SLC43A2: variants seen among roughly 807,000 people sequenced by gnomAD.
The protein encoded by SLC43A2 is large neutral amino acids transporter small subunit 4.
In SLC43A2, 38 loss-of-function variants were observed where a neutral mutation model predicts 63.2. The ratio of observed to expected loss-of-function variants is 0.60; its 90% CI spans 0.46 to 0.79. The LOEUF (loss-of-function observed/expected upper bound fraction) is 0.79, where lower values mean the gene tolerates loss of function less well. Ranked by LOEUF, SLC43A2 falls within the 30% of genes least tolerant of loss-of-function variation. The pLI, the probability that SLC43A2 is intolerant of heterozygous loss-of-function variation, is 0.00. For missense variants in SLC43A2, 644 were observed against 756.2 expected (o/e 0.85, Z 1.74); for synonymous variants, 322 against 331.0 (o/e 0.97, Z 0.30).
rs1178650400 is a variant in SLC43A2 at position 1,571,925 on chromosome 17, C to G, written c.*3679G>C. The G allele has an allele frequency of 6.6e-6, 1 of 152,428 alleles. No individual in the cohort carries two copies. The highest frequency in any genetic ancestry group is 2.4e-5 in the African/African-American group (1 of 41,394). The allele number at this position is 152,428 out of a possible 1,614,324, so 9.4% of individuals were successfully genotyped here. On this transcript the variant is annotated 3_prime_UTR_variant, in exon 14 of 14. Coordinates refer to ENST00000301335, the MANE Select transcript of SLC43A2 (RefSeq NM_152346.3). This position sits in a 1 kb window ranked among gnomAD's most constrained non-coding sequence, Gnocchi z 5.2. The stretch of plus-strand genomic sequence containing the variant: ...AGCAGACCCAGACCCAGACTCAGAC[C>G]CAAGCCCCCCTCCTCACTGATCAAA...
chr17:1,575,825 C>G, intron 13 of SLC43A2, 60 bp from the exon 14 acceptor site: 1 of 1,526,630 alleles, frequency 6.6e-7, no homozygotes, highest in Non-Finnish European at 8.8e-7. Flanking sequence ...GCTGCAGACC[C>G]GCCCTCCACT....
chr17:1,579,954 A>G (rs1279717383), intron 11 of SLC43A2, among the ~76,000 whole-genome samples: 5 of 149,494 alleles, frequency 3.3e-5, no homozygotes, highest in African/African-American at 1.2e-4. Flanking sequence ...TTTTTTGGAG[A>G]CAGAGTCTTG....
At position 1,616,754 on chromosome 17, in the gene SLC43A2, C is replaced by A. The variant is rs897173742; in HGVS notation, c.176G>T (p.Gly59Val). The change falls in exon 3 of 14, where the codon GGC (glycine) becomes GTC (valine). Residue 59 changes from glycine to valine, a missense_variant. By Grantham distance (109) the Gly-to-Val change is moderately radical (BLOSUM62 -3). This residue lies in a region of SLC43A2 where 528 missense variants were observed against 623.6 expected (regional missense o/e 0.85). Transcript: ENST00000301335. Reference sequence around the variant, plus strand: ...CGGCTCTGCTGTGCCGCCCACTGTGCCATTGGTGACATTCTCTGTGTGAAG... The same window carrying A: ...CGGCTCTGCTGTGCCGCCCACTGTGACATTGGTGACATTCTCTGTGTGAAG... ...LCTEPENVTNGTVGGTAEPGH... is the reference protein window; with the variant it reads ...LCTEPENVTNVTVGGTAEPGH... 57 of 1,613,780 alleles carry A rather than the reference C, an allele frequency of 3.5e-5. No individual in the cohort carries two copies. Among genetic ancestry groups the A allele is most frequent in the Non-Finnish European group, 4.7e-5 (56 of 1,180,050 alleles).
At position 1,578,298 on chromosome 17, in the gene SLC43A2, A is replaced by G. The variant is rs1220973799; in HGVS notation, c.1376T>C (p.Ile459Thr). The part of the protein sequence containing the change: ...LQILSFILHT[I>T]VRGFIHSAVG... ...AGCGGAGTGGATGAATCCTCGCACG[A>G]TTGTGTGCAGGATGAAGGAGAGGAT... The change falls in exon 12 of 14, where the codon ATC becomes ACC. Residue 459 changes from isoleucine (I) to threonine (T), a missense_variant. Physicochemically the swap from Ile to Thr is moderately conservative, Grantham distance 89 (BLOSUM62 -1). Around this residue, in one of 3 missense-constraint regions of SLC43A2, gnomAD observed 528 missense variants for 623.6 expected, o/e 0.85. Transcript: ENST00000301335. This position sits in a 1 kb window ranked among gnomAD's most constrained non-coding sequence, Gnocchi z 6.5. The G allele has an allele frequency of 6.2e-7, 1 of 1,613,758 alleles. No individual in the cohort carries two copies. The highest frequency in any genetic ancestry group is 1.6e-4 in the Middle Eastern group (1 of 6,082).
intron 5 of SLC43A2, among the ~76,000 whole-genome samples, chr17:1,595,355 C>T (rs981355996): frequency 6.6e-6 from 1 of 151,736 alleles, no homozygotes. Flanking sequence ...GCAATCATAG[C>T]TCACTGCAGC....
rs1351936156 is a variant in SLC43A2 at position 1,627,839 on chromosome 17, G to A, written c.36C>T (p.Arg12=). ...GCACGGCCGTGCAGGCCATCCACCAGCGGCGCCGATGGGCAGTGGCCAGGG... is the reference window on the plus strand; with the variant it reads ...GCACGGCCGTGCAGGCCATCCACCAACGGCGCCGATGGGCAGTGGCCAGGG... ...APTLATAHRR[R]WWMACTAVLE... is the part of the protein sequence containing the mutation. Residue 12 remains arginine, a synonymous_variant, in exon 2 of 14, where the codon CGC becomes CGT. Coordinates refer to ENST00000301335, the MANE Select transcript of SLC43A2 (RefSeq NM_152346.3). 1.9e-6 allele frequency: 3 copies of A among 1,588,670 alleles called. No individual in the cohort carries two copies. The African/African-American group carries it at 4.0e-5, about 21-fold the overall frequency.
In SLC43A2 at chr17:1,605,227, C is replaced by G; in HGVS notation, c.501+7968G>C. On this transcript the variant is annotated intron_variant, in intron 5 of 13. Coordinates refer to ENST00000301335, the MANE Select transcript of SLC43A2 (RefSeq NM_152346.3). The surrounding 1 kb of genome is among the most constrained non-coding windows in gnomAD (Gnocchi z 4.9). Reference sequence around the variant, plus strand: ...GCAGCCTCAGTCACACAGGGAAGCCCGTGACTCTCTCTCTTTCAGCCCCCT... The same window carrying G: ...GCAGCCTCAGTCACACAGGGAAGCCGGTGACTCTCTCTCTTTCAGCCCCCT... 1.8e-6 allele frequency: 2 copies of G among 1,099,998 alleles called. No homozygotes were observed. Among genetic ancestry groups the G allele is most frequent in the South Asian group, 2.5e-5 (1 of 40,002 alleles). 68.1% of individuals were successfully genotyped at this position (1,099,998 alleles called of 1,614,324 possible). A position where few individuals can be genotyped will look rare whatever the true frequency, so the allele number is the denominator to read the frequency against.
At chr17:1,585,230 C>G (rs963538825) in intron 10 of SLC43A2, 25 of 995,320 alleles carry the variant, frequency 2.5e-5, no homozygotes, top group African/African-American at 2.1e-4. Flanking sequence ...CCTTCTTACT[C>G]AATGCTTCTT....
In SLC43A2 at chr17:1,575,262, T is replaced by C; in HGVS notation, c.*342A>G. The stretch of plus-strand genomic sequence containing the variant: ...GGCAGGGGATGGCAGCCCCCTCTGC[T>C]TTGGCAAGAGGCAGAATCCAGACAC... On this transcript the variant is annotated 3_prime_UTR_variant, in exon 14 of 14. Coordinates refer to ENST00000301335, the MANE Select transcript of SLC43A2 (RefSeq NM_152346.3). 2.6e-6 allele frequency: 1 copy of C among 391,428 alleles called. No homozygotes were observed. The highest frequency in any genetic ancestry group is 2.4e-5 in the South Asian group (1 of 41,648). The allele number at this position is 391,428 out of a possible 1,614,324, so 24.2% of individuals were successfully genotyped here.
At position 1,578,461 on chromosome 17, in the gene SLC43A2, A is replaced by C; in HGVS notation, c.1351-138T>G. The stretch of plus-strand genomic sequence containing the variant: ...GGATCAACCCCATCCTCCGGAGCCA[A>C]TTGTGAATTTTCAGAAATTTTGCAA... On this transcript the variant is annotated intron_variant, in intron 11 of 13. Transcript: ENST00000301335. This position sits in a 1 kb window ranked among gnomAD's most constrained non-coding sequence, Gnocchi z 6.5. The C allele has an allele frequency of 1.4e-6, 1 of 710,580 alleles. No homozygotes were observed. The highest frequency in any genetic ancestry group is 2.2e-6 in the Non-Finnish European group (1 of 444,978). The allele number at this position is 710,580 out of a possible 1,614,324, so 44.0% of individuals were successfully genotyped here.
At chr17:1,600,100 CTTTT>C (rs200335951) in intron 5 of SLC43A2, among the ~76,000 whole-genome samples, 2 of 88,966 alleles carry the variant, frequency 2.2e-5, no homozygotes, top group African/African-American at 8.6e-5. Context: ...GTTAATCTTT[CTTTT>C]TTTTTTTTAC....
chr17:1,617,906 G>A (rs1416089532), intron 2 of SLC43A2, among the ~76,000 whole-genome samples: 1 of 152,246 alleles, frequency 6.6e-6, no homozygotes, highest in Non-Finnish European at 1.5e-5. Context: ...TGGGAACGTG[G>A]CTGAGGAGCT....
intron 2 of SLC43A2, among the ~76,000 whole-genome samples, chr17:1,621,953 T>C (rs1034152719): frequency 1.1e-4 from 16 of 152,112 alleles, no homozygotes; most frequent in African/African-American, 3.9e-4. Context: ...TATCGCTTGG[T>C]GGGAATGGGA....
At chr17:1,615,656 ACAC>A (rs1404948427) in intron 3 of SLC43A2, among the ~76,000 whole-genome samples, 3 of 129,782 alleles carry the variant, frequency 2.3e-5, no homozygotes, top group East Asian at 3.2e-4. Flanking sequence ...ATCCTGGCTA[ACAC>A]AGTGAAACCC....
At chr17:1,602,169 CTTTGT>C (rs910980488) in intron 5 of SLC43A2, among the ~76,000 whole-genome samples, 3 of 152,148 alleles carry the variant, frequency 2.0e-5, no homozygotes, top group African/African-American at 7.2e-5. Flanking sequence ...TCTCCTTCAG[CTTTGT>C]TTTAATTATT....
chr17:1,576,535 C>A (rs2075933666), intron 13 of SLC43A2, 62 bp downstream of exon 13: 2 of 1,537,588 alleles, frequency 1.3e-6, no homozygotes, highest in Non-Finnish European at 8.7e-7. Flanking sequence ...GGGGACCTTG[C>A]AGCTCGCAGT....
rs756315102 is a variant in SLC43A2 at position 1,591,219 on chromosome 17, C to T, written c.931+50G>A. 6.3e-6 allele frequency: 10 copies of T among 1,586,106 alleles called. No homozygotes were observed. In the East Asian group the frequency reaches 1.6e-4, roughly 25 times the overall value. On this transcript the variant is annotated intron_variant, in intron 8 of 13. Coordinates refer to ENST00000301335, the MANE Select transcript of SLC43A2 (RefSeq NM_152346.3). ...GAGGTGGGAATGGGGTGAGCCGATA[C>T]CCACAGAGCACTCCCTGCCCGTCGC...
At position 1,577,538 on chromosome 17, in the gene SLC43A2, TC is replaced by T. The variant is rs2075953460; in HGVS notation, c.1424+711del. On this transcript the variant is annotated intron_variant, in intron 12 of 13. Coordinates refer to ENST00000301335, the MANE Select transcript of SLC43A2 (RefSeq NM_152346.3). This position sits in a 1 kb window ranked among gnomAD's most constrained non-coding sequence, Gnocchi z 4.9. ...GCTGTTGCGGGAATTGGGAGAGAGT[TC>T]CGGGCTAAATCTTAGCACATGTCAG... Among the ~76,000 whole-genome samples, 1 of 152,082 alleles carries T rather than the reference TC, an allele frequency of 6.6e-6. No homozygotes were observed. Among genetic ancestry groups the T allele is most frequent in the Admixed American group, 6.6e-5 (1 of 15,262 alleles).
chr17:1,572,117 A>C lies in SLC43A2; in HGVS notation c.*3487T>G, dbSNP rs1567598729. 6.6e-6 allele frequency: 1 copy of C among 152,588 alleles called. No homozygotes were observed. Among genetic ancestry groups the C allele is most frequent in the Non-Finnish European group, 1.5e-5 (1 of 68,368 alleles). 9.5% of individuals were successfully genotyped at this position (152,588 alleles called of 1,614,324 possible). A position where few individuals can be genotyped will look rare whatever the true frequency, so the allele number is the denominator to read the frequency against. The stretch of plus-strand genomic sequence containing the variant: ...TGGGGTCACCAGGGATTGCTCCCCC[A>C]AGTACCCATCAGCCTCCAGGGCCCA... On this transcript the variant is annotated 3_prime_UTR_variant, in exon 14 of 14. Coordinates refer to ENST00000301335, the MANE Select transcript of SLC43A2 (RefSeq NM_152346.3).
Sources: allele counts gnomAD v4.1 joint callset (sites outside exome capture counted in the v4.1 genomes callset), GRCh38; gene constraint gnomAD v4.1.1; regional missense constraint gnomAD v4.1.1; non-coding constraint Gnocchi (gnomAD v3.1); transcripts MANE v1.5; gene names NCBI Gene and HGNC (gene_info 2026-07-23, HGNC 2026-07-21).